The following ICE2 variants were observed in gnomAD, a reference collection of about 807,000 sequenced individuals.
ICE2 encodes the protein little elongation complex subunit 2.
In ICE2, 87 loss-of-function variants were observed where a neutral mutation model predicts 105.4. The ratio of observed to expected loss-of-function variants is 0.83; its 90% CI spans 0.69 to 0.99. The LOEUF (loss-of-function observed/expected upper bound fraction) is 0.99, where lower values mean the gene tolerates loss of function less well. ICE2 is among the 50% of genes least tolerant of loss of function. ICE2 has a pLI of 0.00. For synonymous variants in ICE2, 399 were observed against 392.0 expected (o/e 1.02, Z -0.21); for missense variants, 1,323 against 1,146.7 (o/e 1.15, Z -2.22).
intron 15 of ICE2, 117 bp downstream of exon 15, chr15:60,428,312 A>T: frequency 1.8e-6 from 2 of 1,129,468 alleles, no homozygotes; most frequent in Non-Finnish European, 1.3e-6. Flanking sequence ...TATAGCTTTT[A>T]GAATGGTGCT....
intron 9 of ICE2, chr15:60,451,500 A>G (rs1211002133): frequency 8.1e-6 from 8 of 984,798 alleles, no homozygotes; most frequent in African/African-American, 1.7e-5. Flanking sequence ...TTGTTGGACC[A>G]CAGAAATCAA....
chr15:60,437,263 T>A (rs1595756337), intron 12 of ICE2, among the ~76,000 whole-genome samples: 1 of 151,622 alleles, frequency 6.6e-6, no homozygotes, highest in Admixed American at 6.6e-5. Context: ...TCAAAAAATA[T>A]ATATATATAT....
At chr15:60,463,921 CA>C (rs1255274479) in intron 5 of ICE2, among the ~76,000 whole-genome samples, 1 of 152,180 alleles carries the variant, frequency 6.6e-6, no homozygotes, top group African/African-American at 2.4e-5. Flanking sequence ...ATTTATTATA[CA>C]AGAGGACTAC....
At chr15:60,465,067 A>G (rs1567005020) in intron 5 of ICE2, among the ~76,000 whole-genome samples, 2 of 152,242 alleles carry the variant, frequency 1.3e-5, no homozygotes, top group African/African-American at 4.8e-5. Context: ...TTTTCCACAT[A>G]GAAAATTATG....
rs894659535 is a variant in ICE2, at chr15:60,420,297, A to AGTT, written c.*3334_*3336dup. Reference sequence around the variant, plus strand: ...ACTCTCCTTACCAACAACAAAACTGAGTTGTCATTTTTTTTTTTTTCCTTA... The same window carrying AGTT: ...ACTCTCCTTACCAACAACAAAACTGAGTTGTTGTCATTTTTTTTTTTTTCCTTA... On this transcript the variant is annotated 3_prime_UTR_variant, in exon 16 of 16. Transcript: ENST00000261520. 1.3e-5 allele frequency: 2 copies of AGTT among 151,770 alleles called. No individual in the cohort carries two copies. The highest frequency in any genetic ancestry group is 2.4e-5 in the African/African-American group (1 of 41,158). 9.4% of individuals were successfully genotyped at this position (151,770 alleles called of 1,614,324 possible). A position where few individuals can be genotyped will look rare whatever the true frequency, so the allele number is the denominator to read the frequency against.
rs190315274 is a variant in ICE2, at chr15:60,428,633, C to A, written c.2616G>T (p.Leu872=). 1.2e-6 allele frequency: 2 copies of A among 1,614,100 alleles called. No individual in the cohort carries two copies. Among genetic ancestry groups the A allele is most frequent in the Admixed American group, 3.3e-5 (2 of 60,024 alleles). The change falls in exon 15 of 16, where the codon CTG becomes CTT. Residue 872 remains leucine, a synonymous_variant. Transcript: ENST00000261520. Reference sequence around the variant, plus strand: ...CTTTTCCATCAGAGGCCTTATAAATCAGGAGTGAAGAATCTTCTGCTGCAT... The same window carrying A: ...CTTTTCCATCAGAGGCCTTATAAATAAGGAGTGAAGAATCTTCTGCTGCAT... ...LSHAAEDSSL[L]IYKASDGKVT...
chr15:60,446,363 C>A (rs1296795427), intron 11 of ICE2, among the ~76,000 whole-genome samples: 1 of 152,106 alleles, frequency 6.6e-6, no homozygotes, highest in Non-Finnish European at 1.5e-5. Context: ...AACCCTCATG[C>A]CGCTGTTATT....
chr15:60,475,217 C>T (rs968015869), intron 3 of ICE2, among the ~76,000 whole-genome samples: 5 of 152,190 alleles, frequency 3.3e-5, no homozygotes, highest in Admixed American at 3.3e-4. Context: ...GATTCATCAA[C>T]AACAGAGTAG....
chr15:60,437,419 C>T (rs868545744), intron 12 of ICE2, among the ~76,000 whole-genome samples: 1 of 151,702 alleles, frequency 6.6e-6, no homozygotes, highest in South Asian at 2.1e-4. Context: ...ACTGCAACTT[C>T]TGCCTCCTCA....
chr15:60,478,165 A>C, intron 1 of ICE2, 96 bp from the exon 2 acceptor site: 1 of 607,748 alleles, frequency 1.6e-6, no homozygotes, highest in South Asian at 1.9e-5. Context: ...ATCTACCCTC[A>C]ACAGACTGTG....
intron 8 of ICE2, chr15:60,454,547 GC>G (rs1161066179): frequency 6.5e-6 from 1 of 152,806 alleles, no homozygotes; most frequent in African/African-American, 2.4e-5. Context: ...ATTTAGTAGT[GC>G]TGAGCCTAAA....
intron 14 of ICE2, 38 bp from the exon 15 acceptor site, chr15:60,428,725 T>C: frequency 5.0e-6 from 8 of 1,589,710 alleles, no homozygotes; most frequent in Non-Finnish European, 6.0e-6. Context: ...ACTGGCTCAC[T>C]GTGTCAATTT....
At chr15:60,469,194 T>C (rs933619300) in intron 3 of ICE2, among the ~76,000 whole-genome samples, 11 of 152,038 alleles carry the variant, frequency 7.2e-5, no homozygotes, top group South Asian at 4.1e-4. Context: ...AACTAACGCA[T>C]GAACAGAAAA....
intron 11 of ICE2, among the ~76,000 whole-genome samples, chr15:60,443,760 G>C (rs1024656387): frequency 2.0e-5 from 3 of 152,128 alleles, no homozygotes; most frequent in African/African-American, 7.2e-5. Context: ...ATATGATTTA[G>C]TCTCTCATAA....
intron 2 of ICE2, 111 bp from the exon 3 acceptor site, chr15:60,476,278 T>A (rs2064759998): frequency 7.7e-6 from 5 of 653,514 alleles, no homozygotes; most frequent in Non-Finnish European, 1.4e-5. Context: ...TACCCCCCCA[T>A]CCCCAGACAA....
intron 5 of ICE2, among the ~76,000 whole-genome samples, chr15:60,460,597 T>C (rs1018753918): frequency 2.6e-5 from 4 of 152,230 alleles, no homozygotes; most frequent in African/African-American, 9.6e-5. Flanking sequence ...TTTCTCAACG[T>C]TGGCATTACT....
At position 60,455,309 on chromosome 15, in the gene ICE2, G is replaced by C. The variant is rs116427328; in HGVS notation, c.783+17C>G. On this transcript the variant is annotated intron_variant, in intron 7 of 15. Transcript: ENST00000261520. ...AAAAGATTATTTAGGAAGATCCAAT[G>C]TTGCCTTGGTACTTACATAATGCAT... 1.3e-6 allele frequency: 2 copies of C among 1,577,264 alleles called. No homozygotes were observed. The highest frequency in any genetic ancestry group is 1.7e-6 in the Non-Finnish European group (2 of 1,147,856).
chr15:60,427,368 T>G (rs2063359886), intron 15 of ICE2, among the ~76,000 whole-genome samples: 1 of 152,336 alleles, frequency 6.6e-6, no homozygotes, highest in South Asian at 2.1e-4. Context: ...GAAAATATAC[T>G]GGATCGTGTC....
intron 12 of ICE2, chr15:60,438,696 T>C (rs2063650818): frequency 6.6e-6 from 1 of 152,238 alleles, no homozygotes; most frequent in Admixed American, 6.5e-5. Flanking sequence ...GAGAATACCA[T>C]ACTAAGTGCT....
Sources: gnomAD v4.1 joint callset for allele counts (sites outside exome capture counted in the v4.1 genomes callset) on GRCh38, gnomAD v4.1.1 for gene constraint, MANE v1.5 for transcripts, NCBI Gene and HGNC (gene_info 2026-07-23, HGNC 2026-07-21) for gene names.